Variants in ELAVL2 observed in about 807,000 individuals in gnomAD.
ELAVL2 encodes the protein ELAV-like protein 2.
Under a neutral mutation model 34.6 loss-of-function variants are expected in ELAVL2, and 4 were observed. The observed-to-expected ratio is 0.12, with a 90% CI of 0.06 to 0.26. The LOEUF is 0.26. Among genes scored for constraint, ELAVL2 ranks in the 10% least tolerant of loss-of-function variants. The pLI is 1.00. For missense variants in ELAVL2, 432 were observed against 442.8 expected (o/e 0.98, Z 0.22); for synonymous variants, 193 against 154.8 (o/e 1.25, Z -1.83).
rs913245701 is a variant in ELAVL2 at position 23,708,001 on chromosome 9, A to G, written c.334-2930T>C. Among the ~76,000 whole-genome samples, 8 of 152,218 alleles carry G rather than the reference A, an allele frequency of 5.3e-5. No homozygotes were observed. The South Asian group carries it at 1.2e-3, about 24-fold the overall frequency. On this transcript the variant is annotated intron_variant, in intron 3 of 6. Transcript: ENST00000397312. ...ATTTAGGAAAATGGGTTTATATTTA[A>G]TGCTTATATAAAGGCTTTGAAAACA... is the stretch of plus-strand genomic sequence containing the variant.
intron 2 of ELAVL2, among the ~76,000 whole-genome samples, chr9:23,736,365 G>A (rs1453246959): frequency 6.6e-6 from 1 of 152,110 alleles, no homozygotes. Flanking sequence ...TAGGCCCTGA[G>A]AATGCAAAGG....
At chr9:23,773,977 C>T (rs182063386) in intron 1 of ELAVL2, among the ~76,000 whole-genome samples, 104 of 151,856 alleles carry the variant, frequency 6.8e-4, no homozygotes, top group African/African-American at 2.5e-3. Context: ...TTTGGGAGGC[C>T]GAGGCGGGCA....
intron 1 of ELAVL2, among the ~76,000 whole-genome samples, chr9:23,797,959 A>G (rs917320800): frequency 1.4e-4 from 22 of 152,136 alleles, no homozygotes; most frequent in South Asian, 2.1e-4. Flanking sequence ...AAAAGAAAAA[A>G]AAAGTATGGG....
chr9:23,826,725 T>G (rs990477682), upstream of ELAVL2, among the ~76,000 whole-genome samples: 3 of 152,184 alleles, frequency 2.0e-5, no homozygotes, highest in Admixed American at 6.5e-5. Context: ...GCATATTTCT[T>G]TATAACATTT....
intron 2 of ELAVL2, among the ~76,000 whole-genome samples, chr9:23,753,163 A>ATGCCAG (rs2052580361): frequency 6.6e-6 from 1 of 152,212 alleles, no homozygotes; most frequent in Non-Finnish European, 1.5e-5. Flanking sequence ...CTCAAATAAA[A>ATGCCAG]TGCCAGAAAA....
chr9:23,847,102 A>T, the ELAVL2 span, among the ~76,000 whole-genome samples: 2 of 152,160 alleles, frequency 1.3e-5, no homozygotes, highest in Admixed American at 1.3e-4. Flanking sequence ...CATAGCAGGT[A>T]GACAATACAT....
the ELAVL2 span, among the ~76,000 whole-genome samples, chr9:23,848,796 C>T: frequency 6.6e-6 from 1 of 152,236 alleles, no homozygotes; most frequent in East Asian, 1.9e-4. Flanking sequence ...TAAGAATGGA[C>T]TCAACAAAAC....
intron 2 of ELAVL2, among the ~76,000 whole-genome samples, chr9:23,746,108 A>G (rs2050415108): frequency 1.3e-5 from 2 of 152,194 alleles, no homozygotes; most frequent in Non-Finnish European, 2.9e-5. Context: ...AACACTAACA[A>G]AGTGACACAA....
intron 3 of ELAVL2, among the ~76,000 whole-genome samples, chr9:23,727,951 C>T (rs191108722): frequency 3.9e-5 from 6 of 152,198 alleles, no homozygotes; most frequent in Admixed American, 3.9e-4. Flanking sequence ...ATACTAAATT[C>T]TAAGTGGCTT....
chr9:23,786,362 C>T (rs1417096381), intron 1 of ELAVL2, among the ~76,000 whole-genome samples: 1 of 152,050 alleles, frequency 6.6e-6, no homozygotes, highest in African/African-American at 2.4e-5. Flanking sequence ...CCAGTAAATG[C>T]TTATTTCATA....
At chr9:23,779,918 G>C (rs917305919) in intron 1 of ELAVL2, among the ~76,000 whole-genome samples, 9 of 136,098 alleles carry the variant, frequency 6.6e-5, no homozygotes, top group African/African-American at 2.2e-4. Flanking sequence ...AGGTTGCAGA[G>C]TATTATGTTA....
chr9:23,710,700 CTATT>C (rs1030583285), intron 3 of ELAVL2, among the ~76,000 whole-genome samples: 20 of 152,108 alleles, frequency 1.3e-4, no homozygotes, highest in African/African-American at 4.8e-4. Context: ...ACAGTTATGC[CTATT>C]TAAACGGACA....
chr9:23,821,756 C>CCCGCG (rs367599469), intron 1 of ELAVL2: 17,253 of 151,066 alleles, frequency 0.11, 1,215 homozygotes, highest in East Asian at 0.15. Flanking sequence ...CCCCGCCCCA[C>CCCGCG]CCGCGCCGCG....
chr9:23,789,543 T>C (rs1203144253), intron 1 of ELAVL2, among the ~76,000 whole-genome samples: 1 of 152,204 alleles, frequency 6.6e-6, no homozygotes, highest in Non-Finnish European at 1.5e-5. Flanking sequence ...ATCTGACACC[T>C]GCTGAATGAT....
chr9:23,733,172 TAAAA>T lies in ELAVL2; in HGVS notation c.230-2051_230-2048del, dbSNP rs397953305. Among the ~76,000 whole-genome samples the T allele has an allele frequency of 3.8e-5, 4 of 104,566 alleles. No individual in the cohort carries two copies. In the East Asian group the frequency reaches 8.0e-4, roughly 21 times the overall value. The allele number at this position is 104,566 out of a possible 152,430, so 68.6% of individuals were successfully genotyped here. On this transcript the variant is annotated intron_variant, in intron 2 of 6. Coordinates refer to ENST00000397312, the MANE Select transcript of ELAVL2 (RefSeq NM_004432.5). ...CTGCAATGGAATCATCTAGAAAGCT[TAAAA>T]AAAAAAAAAAAAAAAACTAAAACAA... is the stretch of plus-strand genomic sequence containing the variant.
At chr9:23,770,408 G>C (rs1178815921) in intron 1 of ELAVL2, among the ~76,000 whole-genome samples, 1 of 152,098 alleles carries the variant, frequency 6.6e-6, no homozygotes, top group African/African-American at 2.4e-5. Flanking sequence ...CCAGAAGTGT[G>C]AATATGTTAT....
chr9:23,831,644 T>C, the ELAVL2 span: 6 of 152,192 alleles, frequency 3.9e-5, no homozygotes, highest in African/African-American at 1.4e-4. Context: ...CAACCCAATG[T>C]AGAGAGAAGC....
At chr9:23,760,111 A>T (rs2054610173) in intron 2 of ELAVL2, among the ~76,000 whole-genome samples, 1 of 151,930 alleles carries the variant, frequency 6.6e-6, no homozygotes, top group Admixed American at 6.6e-5. Context: ...AAGAACTCAA[A>T]TTTATCCCAT....
At chr9:23,808,996 C>T (rs1436182486) in intron 1 of ELAVL2, among the ~76,000 whole-genome samples, 2 of 152,068 alleles carry the variant, frequency 1.3e-5, no homozygotes, top group Non-Finnish European at 2.9e-5. Flanking sequence ...AGAAATGATA[C>T]GTATTAAGGT....
Sources: gnomAD v4.1 joint callset for allele counts (sites outside exome capture counted in the v4.1 genomes callset) on GRCh38, gnomAD v4.1.1 for gene constraint, MANE v1.5 for transcripts, NCBI Gene and HGNC (gene_info 2026-07-23, HGNC 2026-07-21) for gene names.